Variants in CDKAL1 observed in about 807,000 individuals in gnomAD.
CDKAL1 encodes CDKAL1 threonylcarbamoyladenosine tRNA methylthiotransferase.
Under a neutral mutation model 68.2 loss-of-function variants are expected in CDKAL1, and 32 were observed. The ratio of observed to expected loss-of-function variants is 0.47; its 90% CI spans 0.35 to 0.63. The LOEUF (loss-of-function observed/expected upper bound fraction) is 0.63. Ranked by LOEUF, CDKAL1 falls within the 30% of genes least tolerant of loss-of-function variation. CDKAL1 has a pLI of 0.00. For missense variants in CDKAL1, 606 were observed against 696.7 expected, an observed-to-expected ratio of 0.87 and a Z score of 1.47; for synonymous variants, 234 against 244.3, an observed-to-expected ratio of 0.96 and a Z score of 0.39.
intron 13 of CDKAL1, among the ~76,000 whole-genome samples, chr6:21,129,252 G>A (rs1228627886): frequency 6.6e-6 from 1 of 152,022 alleles, no homozygotes; most frequent in East Asian, 1.9e-4. Context: ...TAATTTTATT[G>A]TGATTAAAGA....
At chr6:20,557,061 A>T (rs1377002176) in intron 4 of CDKAL1, among the ~76,000 whole-genome samples, 1 of 136,128 alleles carries the variant, frequency 7.3e-6, no homozygotes, top group Non-Finnish European at 1.7e-5. Flanking sequence ...AAATAAATAA[A>T]TAAATAAATA....
At chr6:20,684,054 C>T (rs1277388619) in intron 5 of CDKAL1, among the ~76,000 whole-genome samples, 1 of 152,150 alleles carries the variant, frequency 6.6e-6, no homozygotes, top group Non-Finnish European at 1.5e-5. Context: ...TTTTTTAGTG[C>T]TGAATAATAT....
chr6:20,787,514 C>T (rs1347796129), intron 8 of CDKAL1, among the ~76,000 whole-genome samples: 4 of 152,218 alleles, frequency 2.6e-5, no homozygotes, highest in Non-Finnish European at 5.9e-5. Flanking sequence ...CAAGCTGGCA[C>T]GGTCCAGCTG....
In CDKAL1 at chr6:21,192,770, T is replaced by C. The variant is rs112136376; in HGVS notation, c.1300-5251T>C. Among the ~76,000 whole-genome samples the C allele has an allele frequency of 8.3e-3, 1,251 of 151,400 alleles. 15 individuals are homozygous for C. Among genetic ancestry groups the C allele is most frequent in the African/African-American group, 0.028 (1,153 of 41,376 alleles). ...TAAACAAATCAGAAGGAAAAGGACA[T>C]CTTTCTTAGGATTACAAGAAAATAC... On this transcript the variant is annotated intron_variant, in intron 13 of 15. Transcript: ENST00000274695.
At chr6:20,644,684 CA>C (rs767649240) in intron 4 of CDKAL1, among the ~76,000 whole-genome samples, 14 of 144,200 alleles carry the variant, frequency 9.7e-5, no homozygotes, top group Non-Finnish European at 1.8e-4. Context: ...AAAACAAAAA[CA>C]AAAACACAAC....
intron 8 of CDKAL1, among the ~76,000 whole-genome samples, chr6:20,786,885 T>G (rs187375956): frequency 0.013 from 2,022 of 152,246 alleles, 50 homozygotes; most frequent in African/African-American, 0.045. Flanking sequence ...TTGGAAATTG[T>G]GGCATAAAGG....
At chr6:20,931,584 A>T (rs1353146822) in intron 9 of CDKAL1, among the ~76,000 whole-genome samples, 1 of 152,224 alleles carries the variant, frequency 6.6e-6, no homozygotes, top group East Asian at 1.9e-4. Flanking sequence ...GCATGTGATT[A>T]TCTTTAGAAC....
intron 5 of CDKAL1, among the ~76,000 whole-genome samples, chr6:20,738,307 A>T (rs1318526768): frequency 6.6e-6 from 1 of 152,196 alleles, no homozygotes; most frequent in Non-Finnish European, 1.5e-5. Flanking sequence ...CTAGGAGAGG[A>T]TATAAGTTCT....
intron 10 of CDKAL1, among the ~76,000 whole-genome samples, chr6:20,971,523 A>G (rs993367162): frequency 1.1e-4 from 16 of 152,246 alleles, no homozygotes; most frequent in African/African-American, 2.4e-4. Flanking sequence ...GGGATAATCA[A>G]TTTCAAAACT....
chr6:21,129,052 C>T (rs1775155228), intron 13 of CDKAL1, among the ~76,000 whole-genome samples: 1 of 152,110 alleles, frequency 6.6e-6, no homozygotes, highest in Non-Finnish European at 1.5e-5. Flanking sequence ...GGAATAAAAA[C>T]AATAGTACCT....
At chr6:20,882,803 T>C (rs1016847231) in intron 9 of CDKAL1, among the ~76,000 whole-genome samples, 1 of 152,216 alleles carries the variant, frequency 6.6e-6, no homozygotes, top group Non-Finnish European at 1.5e-5. Flanking sequence ...ATTTTCCTAC[T>C]AGGTTTTTCA....
intron 10 of CDKAL1, among the ~76,000 whole-genome samples, chr6:20,971,640 T>C (rs996743512): frequency 4.6e-5 from 7 of 152,248 alleles, no homozygotes; most frequent in African/African-American, 1.7e-4. Flanking sequence ...AGCTTTATTA[T>C]TTTATTCTAG....
intron 8 of CDKAL1, among the ~76,000 whole-genome samples, chr6:20,845,228 C>T (rs905680885): frequency 2.0e-5 from 3 of 152,070 alleles, no homozygotes; most frequent in East Asian, 1.9e-4. Context: ...TTATAGCAAT[C>T]GAATCACTGA....
At chr6:21,119,467 C>T (rs1388119813) in intron 13 of CDKAL1, among the ~76,000 whole-genome samples, 1 of 152,172 alleles carries the variant, frequency 6.6e-6, no homozygotes, top group Non-Finnish European at 1.5e-5. Flanking sequence ...AATGTTTCCT[C>T]AACACCCAAA....
At chr6:21,059,968 G>A (rs1163222426) in intron 11 of CDKAL1, among the ~76,000 whole-genome samples, 1 of 152,024 alleles carries the variant, frequency 6.6e-6, no homozygotes, top group Non-Finnish European at 1.5e-5. Flanking sequence ...GTCTGCCTTT[G>A]TGTACCCATA....
intron 10 of CDKAL1, among the ~76,000 whole-genome samples, chr6:20,971,859 C>T (rs1765619388): frequency 6.6e-6 from 1 of 152,068 alleles, no homozygotes; most frequent in Admixed American, 6.5e-5. Flanking sequence ...TCTCTAATTC[C>T]AGGCCTTCCA....
At chr6:20,788,137 T>C (rs1775752348) in intron 8 of CDKAL1, among the ~76,000 whole-genome samples, 1 of 152,250 alleles carries the variant, frequency 6.6e-6, no homozygotes, top group Non-Finnish European at 1.5e-5. Context: ...GCAAAGCTTC[T>C]AGTATTGACT....
intron 11 of CDKAL1, among the ~76,000 whole-genome samples, chr6:21,019,645 G>C (rs1193119692): frequency 6.6e-6 from 1 of 152,190 alleles, no homozygotes; most frequent in Admixed American, 6.5e-5. Context: ...CTGTGGTTCT[G>C]CTGTTGTGAA....
chr6:20,638,837 TTGGTCATGATGGTCTCGATCTCTTGAC>T (rs1435059848), intron 4 of CDKAL1, among the ~76,000 whole-genome samples: 1 of 152,078 alleles, frequency 6.6e-6, no homozygotes, highest in Non-Finnish European at 1.5e-5. Flanking sequence ...TTTCACCATG[TTGGTCATGATGGTCTCGATCTCTTGAC>T]ATCATGATCC....
Sources: allele counts gnomAD v4.1 joint callset (sites outside exome capture counted in the v4.1 genomes callset), GRCh38; gene constraint gnomAD v4.1.1; transcripts MANE v1.5; gene names NCBI Gene and HGNC (gene_info 2026-07-23, HGNC 2026-07-21).